SVIL: variants seen among roughly 807,000 people sequenced by gnomAD.
SVIL encodes the protein supervillin.
Under a neutral mutation model 240.4 loss-of-function variants are expected in SVIL, and 101 were observed. The observed-to-expected ratio is 0.42, with a 90% CI of 0.36 to 0.50. The LOEUF is 0.50. SVIL is among the 20% of genes least tolerant of loss of function. The pLI, the probability that SVIL is intolerant of heterozygous loss-of-function variation, is 0.01. For synonymous variants in SVIL, 999 were observed against 1,100.0 expected, an observed-to-expected ratio of 0.91 and a Z score of 1.82; for missense variants, 2,512 against 2,818.7, an observed-to-expected ratio of 0.89 and a Z score of 2.46.
intron 1 of SVIL, among the ~76,000 whole-genome samples, chr10:29,597,940 C>T (rs938200557): frequency 2.6e-5 from 4 of 152,070 alleles, no homozygotes; most frequent in South Asian, 2.1e-4. Flanking sequence ...ACAGACCCAG[C>T]TTTGTGCCCT....
chr10:29,561,641 T>C (rs1301586522), intron 3 of SVIL, among the ~76,000 whole-genome samples: 1 of 151,696 alleles, frequency 6.6e-6, no homozygotes, highest in Non-Finnish European at 1.5e-5. Flanking sequence ...AGCCATTCCA[T>C]CTGACAGCCG....
At chr10:29,616,006 T>A (rs183979969) in intron 1 of SVIL, among the ~76,000 whole-genome samples, 1 of 152,376 alleles carries the variant, frequency 6.6e-6, no homozygotes, top group East Asian at 1.9e-4. Flanking sequence ...AATATGCTTA[T>A]ACAGATGACC....
intron 6 of SVIL, among the ~76,000 whole-genome samples, chr10:29,545,506 G>A (rs534141080): frequency 8.6e-4 from 131 of 152,272 alleles, no homozygotes; most frequent in African/African-American, 2.9e-3. Context: ...CTGCAGTACA[G>A]TAATGACAAA....
chr10:29,723,149 T>C (rs7084550), intron 1 of SVIL, among the ~76,000 whole-genome samples: 125,734 of 152,268 alleles, frequency 0.83, 52,302 homozygotes, highest in East Asian at 0.95. Flanking sequence ...GCAGAAGGAT[T>C]GGCTGAGCCC....
intron 1 of SVIL, among the ~76,000 whole-genome samples, chr10:29,589,783 C>T (rs950547868): frequency 2.1e-4 from 32 of 152,294 alleles, no homozygotes; most frequent in South Asian, 4.1e-4. Flanking sequence ...ACCTCAGGAA[C>T]TGCAAACTGA....
intron 1 of SVIL, among the ~76,000 whole-genome samples, chr10:29,604,636 G>A (rs1440855181): frequency 2.6e-5 from 4 of 151,762 alleles, no homozygotes; most frequent in East Asian, 3.9e-4. Flanking sequence ...ACAATCATAC[G>A]TCACTGCAGC....
rs78609679 is a variant in SVIL, at chr10:29,519,367, C to T, written c.3389+3043G>A. Reference sequence around the variant, plus strand: ...ACGTGGCCCTGGAGGCTACCGGAGCCGAATCCCTCCTTTGGTAAAATGAGG... The same window carrying T: ...ACGTGGCCCTGGAGGCTACCGGAGCTGAATCCCTCCTTTGGTAAAATGAGG... On this transcript the variant is annotated intron_variant, in intron 16 of 37. Transcript: ENST00000355867. Among the ~76,000 whole-genome samples the T allele has an allele frequency of 0.018, 2,721 of 152,170 alleles. 156 individuals are homozygous for T. In the East Asian group the frequency reaches 0.2, roughly 11 times the overall value.
At chr10:29,613,318 T>C (rs548320621) in intron 1 of SVIL, among the ~76,000 whole-genome samples, 1 of 152,116 alleles carries the variant, frequency 6.6e-6, no homozygotes, top group African/African-American at 2.4e-5. Flanking sequence ...TTTTTCAAGA[T>C]CTTTATCAAG....
intron 1 of SVIL, among the ~76,000 whole-genome samples, chr10:29,628,551 T>C (rs961414565): frequency 6.6e-6 from 1 of 152,252 alleles, no homozygotes; most frequent in African/African-American, 2.4e-5. Flanking sequence ...GAGAGGCCTC[T>C]GATGAACCTA....
At chr10:29,536,611 T>C (rs1951758005) in intron 6 of SVIL, among the ~76,000 whole-genome samples, 1 of 152,122 alleles carries the variant, frequency 6.6e-6, no homozygotes, top group Non-Finnish European at 1.5e-5. Flanking sequence ...TTTTAAATTA[T>C]TAGAAAGGAG....
At chr10:29,636,246 T>C (rs1329747528), upstream of SVIL, among the ~76,000 whole-genome samples, 1 of 152,176 alleles carries the variant, frequency 6.6e-6, no homozygotes, top group Non-Finnish European at 1.5e-5. Flanking sequence ...GTTTATTTGA[T>C]CTTGTTTTAC....
At chr10:29,533,515 A>C (rs977497647) in intron 7 of SVIL, 57 bp from the exon 8 acceptor site, 16 of 1,551,464 alleles carry the variant, frequency 1.0e-5, no homozygotes, top group Non-Finnish European at 1.4e-5. Context: ...TCACAGGAGG[A>C]AAGCATGCGT....
Position 29,482,031 on chromosome 10 carries a change from T to C in SVIL, c.4956-303A>G, listed in dbSNP as rs12257852. Among the ~76,000 whole-genome samples, 7 of 50,728 alleles carry C rather than the reference T, an allele frequency of 1.4e-4. No individual in the cohort carries two copies. The South Asian group carries it at 3.3e-3, about 24-fold the overall frequency. The allele number at this position is 50,728 out of a possible 152,430, so 33.3% of individuals were successfully genotyped here. On this transcript the variant is annotated intron_variant, in intron 27 of 37. Transcript: ENST00000355867. ...AAGTTCTTTTCTTTTCTTTTTTTTT[T>C]TTTTTTTTTTTTTTAGAGATAAGGT...
intron 5 of SVIL, among the ~76,000 whole-genome samples, chr10:29,552,037 C>T (rs1012291160): frequency 7.3e-5 from 11 of 151,704 alleles, no homozygotes; most frequent in African/African-American, 2.7e-4. Context: ...TAGCTTCAGC[C>T]CAGGAGTTCA....
At chr10:29,671,750 T>C (rs1959795119) in intron 2 of SVIL, among the ~76,000 whole-genome samples, 1 of 152,222 alleles carries the variant, frequency 6.6e-6, no homozygotes, top group Non-Finnish European at 1.5e-5. Flanking sequence ...TTTTTTTAAA[T>C]CTCCAAGTTA....
At chr10:29,555,022 C>T (rs761743793) in intron 4 of SVIL, 29 bp downstream of exon 4, 5 of 1,612,638 alleles carry the variant, frequency 3.1e-6, no homozygotes, top group African/African-American at 1.3e-5. Context: ...CTCTCTTCTA[C>T]TTCCTAACTC....
intron 1 of SVIL, among the ~76,000 whole-genome samples, chr10:29,588,869 G>T (rs1218080835): frequency 6.6e-6 from 1 of 152,040 alleles, no homozygotes; most frequent in East Asian, 1.9e-4. Context: ...GCTCATCAGA[G>T]CCTCACAAGA....
chr10:29,509,845 T>C (rs1284356042), intron 17 of SVIL, among the ~76,000 whole-genome samples: 1 of 152,114 alleles, frequency 6.6e-6, no homozygotes, highest in Non-Finnish European at 1.5e-5. Context: ...AATGAAACTT[T>C]GTCTCAAAAA....
chr10:29,649,803 G>A (rs980187022), intron 3 of SVIL, among the ~76,000 whole-genome samples: 1 of 152,172 alleles, frequency 6.6e-6, no homozygotes, highest in Non-Finnish European at 1.5e-5. Context: ...CATGTGCTGG[G>A]AACTTAATCC....
Sources: gnomAD v4.1 joint callset for allele counts (sites outside exome capture counted in the v4.1 genomes callset) on GRCh38, gnomAD v4.1.1 for gene constraint, MANE v1.5 for transcripts, NCBI Gene and HGNC (gene_info 2026-07-23, HGNC 2026-07-21) for gene names.